Variants in CNTN5 observed in about 807,000 individuals in gnomAD.
CNTN5 encodes the protein contactin 5.
A neutral mutation model predicts 129.1 loss-of-function variants in CNTN5; 77 were observed. That is an observed-to-expected ratio of 0.60 (90% CI 0.50 to 0.72). The LOEUF (loss-of-function observed/expected upper bound fraction) is 0.72, where lower values mean the gene tolerates loss of function less well. CNTN5 is among the 30% of genes least tolerant of loss of function. CNTN5 has a pLI of 0.00. For missense variants in CNTN5, 1,478 were observed against 1,328.8 expected (o/e 1.11, Z -1.75); for synonymous variants, 509 against 465.6 (o/e 1.09, Z -1.20).
chr11:99,074,383 A>G (rs150265849), intron 1 of CNTN5, among the ~76,000 whole-genome samples: 1,625 of 152,310 alleles, frequency 0.011, 26 homozygotes, highest in South Asian at 0.071. Context: ...TAGTTTAATT[A>G]GATCCAATTA....
chr11:99,562,886 G>A (rs887615332), intron 3 of CNTN5, among the ~76,000 whole-genome samples: 1 of 152,016 alleles, frequency 6.6e-6, no homozygotes, highest in African/African-American at 2.4e-5. Flanking sequence ...AATACCCTTA[G>A]GTGAAAAATA....
chr11:100,323,644 C>G (rs199922540), intron 21 of CNTN5, among the ~76,000 whole-genome samples: 1 of 151,776 alleles, frequency 6.6e-6, no homozygotes, highest in Non-Finnish European at 1.5e-5. Context: ...CCTCCCCCCC[C>G]CTTCTTTTCA....
intron 1 of CNTN5, among the ~76,000 whole-genome samples, chr11:99,109,254 G>T (rs1055907408): frequency 2.0e-5 from 3 of 151,458 alleles, no homozygotes; most frequent in African/African-American, 7.3e-5. Flanking sequence ...TAGAGACAAA[G>T]AAATACATTT....
rs369511188 is a variant in CNTN5, at chr11:99,232,780, G to A, written c.-209-92566G>A. On this transcript the variant is annotated intron_variant, in intron 1 of 24. Transcript: ENST00000524871. Reference sequence around the variant, plus strand: ...TAATCTGGGATGAACTGAAATTAACGTATACTTATCTCTATGATCTAATAA... The same window carrying A: ...TAATCTGGGATGAACTGAAATTAACATATACTTATCTCTATGATCTAATAA... 7.2e-5 allele frequency among the ~76,000 whole-genome samples: 11 copies of A among 152,206 alleles called. No individual in the cohort carries two copies. In the East Asian group the frequency reaches 1.3e-3, roughly 19 times the overall value.
At chr11:99,040,670 C>T (rs979454878) in intron 1 of CNTN5, among the ~76,000 whole-genome samples, 1 of 152,088 alleles carries the variant, frequency 6.6e-6, no homozygotes, top group Admixed American at 6.5e-5. Flanking sequence ...GCAAGGCAAG[C>T]TGACATCTGA....
intron 3 of CNTN5, among the ~76,000 whole-genome samples, chr11:99,744,727 A>G (rs1424401917): frequency 6.6e-6 from 1 of 150,808 alleles, no homozygotes; most frequent in African/African-American, 2.4e-5. Flanking sequence ...CTCAGAAAAA[A>G]AAAAAAAAAA....
At chr11:99,682,242 T>G (rs927036218) in intron 3 of CNTN5, among the ~76,000 whole-genome samples, 1 of 151,954 alleles carries the variant, frequency 6.6e-6, no homozygotes, top group Admixed American at 6.6e-5. Flanking sequence ...TATGAGTGGG[T>G]GAACAATATG....
intron 3 of CNTN5, among the ~76,000 whole-genome samples, chr11:99,761,067 G>T (rs1228107380): frequency 6.6e-6 from 1 of 152,074 alleles, no homozygotes; most frequent in Non-Finnish European, 1.5e-5. Context: ...GTTAAAAATG[G>T]TTCATATTCT....
chr11:99,957,035 G>A, intron 8 of CNTN5, 26 bp downstream of exon 8: 1 of 1,592,798 alleles, frequency 6.3e-7, no homozygotes, highest in Non-Finnish European at 8.6e-7. Flanking sequence ...CGTTAAAATG[G>A]TCAGCCAACT....
At chr11:100,305,466 C>T (rs1951327801) in intron 20 of CNTN5, among the ~76,000 whole-genome samples, 1 of 151,558 alleles carries the variant, frequency 6.6e-6, no homozygotes, top group Non-Finnish European at 1.5e-5. Context: ...CCAAAAGAAG[C>T]CAGAAATTCT....
intron 3 of CNTN5, among the ~76,000 whole-genome samples, chr11:99,676,304 A>G (rs1953280162): frequency 6.6e-6 from 1 of 152,204 alleles, no homozygotes; most frequent in African/African-American, 2.4e-5. Context: ...CATCAATACC[A>G]TAGACTACAA....
chr11:99,613,866 A>G (rs36102275), intron 3 of CNTN5, among the ~76,000 whole-genome samples: 20,381 of 152,150 alleles, frequency 0.13, 1,547 homozygotes, highest in Non-Finnish European at 0.18. Context: ...TTTTGATGTA[A>G]ACTGTTAACT....
intron 2 of CNTN5, among the ~76,000 whole-genome samples, chr11:99,377,774 C>T (rs1940276373): frequency 7.2e-6 from 1 of 138,220 alleles, no homozygotes; most frequent in African/African-American, 2.6e-5. Flanking sequence ...CAGAGATGTA[C>T]AGATTAGTTC....
intron 9 of CNTN5, among the ~76,000 whole-genome samples, chr11:100,014,344 C>G (rs998979748): frequency 2.6e-5 from 4 of 152,120 alleles, no homozygotes; most frequent in African/African-American, 7.2e-5. Flanking sequence ...CATTTAAAAC[C>G]TCTCAAGTCC....
At chr11:99,254,924 T>C (rs1262313679) in intron 1 of CNTN5, among the ~76,000 whole-genome samples, 2 of 152,014 alleles carry the variant, frequency 1.3e-5, no homozygotes, top group Non-Finnish European at 2.9e-5. Flanking sequence ...TAAGCATTTA[T>C]TTTGGCCAAA....
intron 1 of CNTN5, among the ~76,000 whole-genome samples, chr11:99,242,932 G>T (rs562782567): frequency 6.6e-6 from 1 of 152,224 alleles, no homozygotes; most frequent in East Asian, 1.9e-4. Context: ...GGTGGACAGT[G>T]CTGTGATGAA....
chr11:99,826,601 G>A (rs1438610704), intron 4 of CNTN5, among the ~76,000 whole-genome samples: 1 of 152,206 alleles, frequency 6.6e-6, no homozygotes, highest in Non-Finnish European at 1.5e-5. Context: ...TATATTGCAT[G>A]TGTAGAAGTA....
intron 23 of CNTN5, among the ~76,000 whole-genome samples, chr11:100,342,591 C>G (rs1011493280): frequency 6.6e-6 from 1 of 152,034 alleles, no homozygotes; most frequent in Non-Finnish European, 1.5e-5. Context: ...GGTGCCACTA[C>G]TCTTTGTTCA....
chr11:100,114,772 A>G (rs953085377), intron 13 of CNTN5, among the ~76,000 whole-genome samples: 1 of 152,090 alleles, frequency 6.6e-6, no homozygotes, highest in Non-Finnish European at 1.5e-5. Flanking sequence ...TTTACATGTC[A>G]TCTCATTCAT....
Sources: allele counts gnomAD v4.1 joint callset (sites outside exome capture counted in the v4.1 genomes callset), GRCh38; gene constraint gnomAD v4.1.1; transcripts MANE v1.5; gene names NCBI Gene and HGNC (gene_info 2026-07-23, HGNC 2026-07-21).